C19orf67: variants seen among roughly 807,000 people sequenced by gnomAD.
C19orf67 encodes the protein UPF0575 protein C19orf67.
In C19orf67, 28 loss-of-function variants were observed where a neutral mutation model predicts 41.4. The observed-to-expected ratio is 0.68, with a 90% CI of 0.50 to 0.93. The LOEUF (loss-of-function observed/expected upper bound fraction) is 0.93, where lower values mean the gene tolerates loss of function less well. C19orf67 is among the 40% of genes least tolerant of loss of function. The pLI is 0.00. For missense variants in C19orf67, 421 were observed against 467.0 expected (o/e 0.90, Z 0.91); for synonymous variants, 242 against 203.4 (o/e 1.19, Z -1.62).
At position 14,082,462 on chromosome 19, in the gene C19orf67, C is replaced by T; in HGVS notation, c.902+7G>A. The T allele has an allele frequency of 6.5e-7, 1 of 1,532,022 alleles. No homozygotes were observed. The highest frequency in any genetic ancestry group is 8.7e-7 in the Non-Finnish European group (1 of 1,144,428). 94.9% of individuals were successfully genotyped at this position (1,532,022 alleles called of 1,614,324 possible). On this transcript the variant is annotated splice_region_variant and intron_variant, in intron 5 of 5. Transcript: ENST00000548523. ...CAGGCCCACGTTGCTATTGCCCTAG[C>T]TCCTACCATGAATAAAGGTCATCCT...
At chr19:14,082,751 G>C in intron 4 of C19orf67, 148 bp from the exon 5 acceptor site, 2 of 643,142 alleles carry the variant, frequency 3.1e-6, no homozygotes, top group Non-Finnish European at 4.9e-6. Flanking sequence ...TTTTCTCCCT[G>C]CCAGCCTACT....
In C19orf67 at chr19:14,085,680, G is replaced by A. The variant is rs1344296171; in HGVS notation, c.-53C>T. ...CTCTTTAAGCTTCCGCTGCTGCTCA[G>A]GTTGGCCGCGGGTTCGACCCCGCCC... On this transcript the variant is annotated 5_prime_UTR_variant, in exon 1 of 6. Coordinates refer to ENST00000548523, the MANE Select transcript of C19orf67 (RefSeq NM_001277378.2). 2 of 1,378,380 alleles carry A rather than the reference G, an allele frequency of 1.5e-6. No homozygotes were observed. Among genetic ancestry groups the A allele is most frequent in the African/African-American group, 2.9e-5 (2 of 69,674 alleles). 85.4% of individuals were successfully genotyped at this position (1,378,380 alleles called of 1,614,324 possible). A position where few individuals can be genotyped will look rare whatever the true frequency, so the allele number is the denominator to read the frequency against.
rs1182053221 is a variant in C19orf67, at chr19:14,085,466, G to A, written c.162C>T (p.Ala54=). ...CCCGGGCCTCAGCCAGCCGCCCCTCGGCATCTTCAGGATCCGGCTCAGATG... is the reference window on the plus strand; with the variant it reads ...CCCGGGCCTCAGCCAGCCGCCCCTCAGCATCTTCAGGATCCGGCTCAGATG... ...GNPSEPDPED[A]EGRLAEARAS... The change falls in exon 1 of 6, where the codon GCC becomes GCT. Residue 54 remains alanine, a synonymous_variant. Transcript: ENST00000548523. The A allele has an allele frequency of 1.3e-6, 2 of 1,535,328 alleles. No individual in the cohort carries two copies. Among genetic ancestry groups the A allele is most frequent in the African/African-American group, 2.7e-5 (2 of 73,042 alleles).
At position 14,082,002 on chromosome 19, in the gene C19orf67, CA is replaced by C; in HGVS notation, c.908del (p.Leu303CysfsTer13). 8.6e-7 allele frequency: 1 copy of C among 1,157,194 alleles called. No homozygotes were observed. The allele number at this position is 1,157,194 out of a possible 1,614,324, so 71.7% of individuals were successfully genotyped here. Reference sequence around the variant, plus strand: ...GGTAGTCCCCAAGCGGCTGCGGGCACAAAATCCTGGGGTGGGGGGGCCAGGG... The same window carrying C: ...GGTAGTCCCCAAGCGGCTGCGGGCACAAATCCTGGGGTGGGGGGGCCAGGG... The part of the protein sequence containing the change: ...PAEDDLYSWI[L>X]CPQPLGDYQQ... On this transcript the variant is annotated frameshift_variant, in exon 6 of 6. Transcript: ENST00000548523. LOFTEE classifies it high-confidence loss of function.
In C19orf67 at chr19:14,081,678, C is replaced by T. The variant is rs1976769120; in HGVS notation, c.*156G>A. The stretch of plus-strand genomic sequence containing the variant: ...ACTGACGTGTCCGCATTCAGGGCCC[C>T]ACGGCCAAGCCGGACTCGGTGCAGA... On this transcript the variant is annotated 3_prime_UTR_variant, in exon 6 of 6. Transcript: ENST00000548523. The T allele has an allele frequency of 1.8e-6, 1 of 552,440 alleles. No individual in the cohort carries two copies. Among genetic ancestry groups the T allele is most frequent in the Non-Finnish European group, 3.0e-6 (1 of 338,158 alleles). The allele number at this position is 552,440 out of a possible 1,614,324, so 34.2% of individuals were successfully genotyped here. A position where few individuals can be genotyped will look rare whatever the true frequency, so the allele number is the denominator to read the frequency against.
rs1006937189 is a variant in C19orf67, at chr19:14,082,118, T to G, written c.903-110A>C. ...CAGGTGAAAGAGGCTTTGTTTCAGC[T>G]GCGGGTGGGAAAAACCCCCGGGGGA... On this transcript the variant is annotated intron_variant, in intron 5 of 5. Coordinates refer to ENST00000548523, the MANE Select transcript of C19orf67 (RefSeq NM_001277378.2). The G allele has an allele frequency of 3.0e-6, 3 of 1,015,736 alleles. No homozygotes were observed. In the African/African-American group the frequency reaches 5.0e-5, roughly 17 times the overall value. 62.9% of individuals were successfully genotyped at this position (1,015,736 alleles called of 1,614,324 possible). A position where few individuals can be genotyped will look rare whatever the true frequency, so the allele number is the denominator to read the frequency against.
At position 14,085,349 on chromosome 19, in the gene C19orf67, T is replaced by C. The variant is rs1323112028; in HGVS notation, c.279A>G (p.Gln93=). 1.3e-6 allele frequency: 2 copies of C among 1,536,108 alleles called. No homozygotes were observed. Among genetic ancestry groups the C allele is most frequent in the East Asian group, 2.4e-5 (1 of 40,914 alleles). The part of the protein sequence containing the change: ...SLDTLFSPIT[Q]QLRYLLKKAD... ...CCTTCTTCAGTAGGTAGCGCAGCTGTTGGGTGATGGGGCTGAACAAAGTGT... is the reference window on the plus strand; with the variant it reads ...CCTTCTTCAGTAGGTAGCGCAGCTGCTGGGTGATGGGGCTGAACAAAGTGT... The change falls in exon 1 of 6, where the codon CAA becomes CAG. Residue 93 remains glutamine (Q), a synonymous_variant. Transcript: ENST00000548523.
rs1196999455 is a variant in C19orf67 at position 14,083,782 on chromosome 19, CT to C, written c.430del (p.Arg144GlufsTer19). The C allele has an allele frequency of 9.8e-6, 14 of 1,423,608 alleles. No individual in the cohort carries two copies. The highest frequency in any genetic ancestry group is 1.3e-5 in the Non-Finnish European group (14 of 1,090,362). 88.2% of individuals were successfully genotyped at this position (1,423,608 alleles called of 1,614,324 possible). A position where few individuals can be genotyped will look rare whatever the true frequency, so the allele number is the denominator to read the frequency against. ...GGGTCCATAGATGGGGGGTATGCTT[CT>C]CGCGGCTGCCTCCAGGTACAGGAAG... is the stretch of plus-strand genomic sequence containing the variant. The part of the protein sequence containing the change: ...PYFLYLEAAA[R>X]SIPPIYGPLQ... On this transcript the variant is annotated frameshift_variant, in exon 2 of 6. Transcript: ENST00000548523. LOFTEE classifies it high-confidence loss of function.
At chr19:14,085,098 G>A (rs1976832028) in intron 1 of C19orf67, among the ~76,000 whole-genome samples, 195 bp downstream of exon 1, 1 of 152,202 alleles carries the variant, frequency 6.6e-6, no homozygotes, top group Admixed American at 6.5e-5. Context: ...GACAGTAATA[G>A]CAGCCATCCC....
intron 1 of C19orf67, among the ~76,000 whole-genome samples, 190 bp from the exon 2 acceptor site, chr19:14,084,067 T>C (rs1462135159): frequency 1.3e-5 from 2 of 152,114 alleles, no homozygotes; most frequent in Non-Finnish European, 2.9e-5. Context: ...CTTGTTAAAG[T>C]GCTGACACCT....
chr19:14,082,329 C>A, intron 5 of C19orf67, 140 bp downstream of exon 5: 1 of 957,136 alleles, frequency 1.0e-6, no homozygotes, highest in Non-Finnish European at 1.5e-6. Context: ...CTGGGGTCTG[C>A]ATGAAGTGCT....
Position 14,085,348 on chromosome 19 carries a change from G to A in C19orf67, c.280C>T (p.Gln94Ter). 7 of 1,536,230 alleles carry A rather than the reference G, an allele frequency of 4.6e-6. No homozygotes were observed. Among genetic ancestry groups the A allele is most frequent in the Non-Finnish European group, 6.1e-6 (7 of 1,146,930 alleles). ...GCCTTCTTCAGTAGGTAGCGCAGCT[G>A]TTGGGTGATGGGGCTGAACAAAGTG... is the stretch of plus-strand genomic sequence containing the variant. ...LDTLFSPITQ[Q>*]LRYLLKKADD... is the part of the protein sequence containing the mutation. Residue 94 changes from glutamine (Q) to a stop codon, truncating the protein, a stop_gained, in exon 1 of 6, where the codon CAG becomes TAG. Coordinates refer to ENST00000548523, the MANE Select transcript of C19orf67 (RefSeq NM_001277378.2). LOFTEE classifies it high-confidence loss of function.
Position 14,081,821 on chromosome 19 carries a change from C to A in C19orf67, c.*13G>T, listed in dbSNP as rs980352512. The A allele has an allele frequency of 6.6e-7, 1 of 1,509,142 alleles. No individual in the cohort carries two copies. The highest frequency in any genetic ancestry group is 2.2e-5 in the Admixed American group (1 of 45,188). The allele number at this position is 1,509,142 out of a possible 1,614,324, so 93.5% of individuals were successfully genotyped here. On this transcript the variant is annotated 3_prime_UTR_variant, in exon 6 of 6. Coordinates refer to ENST00000548523, the MANE Select transcript of C19orf67 (RefSeq NM_001277378.2). Reference sequence around the variant, plus strand: ...GAACTGTCAAGTTCCAGCTCCTACCCTCTTCCCCAGGTTCAAGACCCCTGC... The same window carrying A: ...GAACTGTCAAGTTCCAGCTCCTACCATCTTCCCCAGGTTCAAGACCCCTGC...
chr19:14,083,026 A>G (rs1330608869), intron 4 of C19orf67, among the ~76,000 whole-genome samples: 2 of 151,910 alleles, frequency 1.3e-5, no homozygotes, highest in African/African-American at 4.8e-5. Flanking sequence ...TTTGTTGTTG[A>G]GACAGGGTCT....
In C19orf67 at chr19:14,082,016, G is replaced by A. The variant is rs1330859654; in HGVS notation, c.903-8C>T. On this transcript the variant is annotated splice_region_variant and splice_polypyrimidine_tract_variant and intron_variant, in intron 5 of 5. Coordinates refer to ENST00000548523, the MANE Select transcript of C19orf67 (RefSeq NM_001277378.2). ...GGCTGCGGGCACAAAATCCTGGGGT[G>A]GGGGGGCCAGGGATAGACAGGCCTG... 6.1e-6 allele frequency: 9 copies of A among 1,484,108 alleles called. No individual in the cohort carries two copies. The East Asian group carries it at 2.1e-4, about 34-fold the overall frequency. The allele number at this position is 1,484,108 out of a possible 1,614,324, so 91.9% of individuals were successfully genotyped here. A position where few individuals can be genotyped will look rare whatever the true frequency, so the allele number is the denominator to read the frequency against.
Position 14,085,749 on chromosome 19 carries a change from C to G in C19orf67, c.-122G>C. On this transcript the variant is annotated 5_prime_UTR_variant, in exon 1 of 6. Coordinates refer to ENST00000548523, the MANE Select transcript of C19orf67 (RefSeq NM_001277378.2). The stretch of plus-strand genomic sequence containing the variant: ...CCCTGCCTTGACCTCTCCACCGGAG[C>G]CGCGCCGCCGCGCCGGGGGCCGTTC... The G allele has an allele frequency of 1.5e-6, 1 of 676,178 alleles. No individual in the cohort carries two copies. Among genetic ancestry groups the G allele is most frequent in the Non-Finnish European group, 2.5e-6 (1 of 403,918 alleles). 41.9% of individuals were successfully genotyped at this position (676,178 alleles called of 1,614,324 possible). A position where few individuals can be genotyped will look rare whatever the true frequency, so the allele number is the denominator to read the frequency against.
In C19orf67 at chr19:14,083,298, G is replaced by C; in HGVS notation, c.706C>G (p.Arg236Gly). ...RFPRYLYKKM[R>G]WHLEATPEAP... ...TCTGGGGTGGCTTCCAGGTGCCAGC[G>C]CATCTTCTTATAGAGGTAGCGGGGG... Residue 236 changes from arginine to glycine, a missense_variant, in exon 4 of 6, where the codon CGC becomes GGC. By Grantham distance (125) the Arg-to-Gly change is moderately radical (BLOSUM62 -2). Coordinates refer to ENST00000548523, the MANE Select transcript of C19orf67 (RefSeq NM_001277378.2). The C allele has an allele frequency of 1.3e-6, 2 of 1,536,062 alleles. No homozygotes were observed. The highest frequency in any genetic ancestry group is 1.7e-6 in the Non-Finnish European group (2 of 1,146,890).
chr19:14,082,477 A>C lies in C19orf67; in HGVS notation c.894T>G (p.Leu298=). The change falls in exon 5 of 6, where the codon CTT becomes CTG. Residue 298 remains leucine (L), a synonymous_variant. Transcript: ENST00000548523. The part of the protein sequence containing the change: ...WVPLGPAEDD[L]YSWILCPQPL... ...ATTGCCCTAGCTCCTACCATGAATA[A>C]AGGTCATCCTCGGCTGGTCCTAGGG... 1 of 1,534,478 alleles carries C rather than the reference A, an allele frequency of 6.5e-7. No individual in the cohort carries two copies. The highest frequency in any genetic ancestry group is 1.2e-5 in the South Asian group (1 of 83,934).
In C19orf67 at chr19:14,083,318, C is replaced by T. The variant is rs1568518365; in HGVS notation, c.686G>A (p.Arg229His). The change falls in exon 4 of 6, where the codon CGC (arginine) becomes CAC (histidine). Residue 229 changes from arginine (R) to histidine (H), a missense_variant. This residue lies in a region of C19orf67 where 253 missense variants were observed against 307.0 expected (regional missense o/e 0.82). Transcript: ENST00000548523. ...CCAGCGCATCTTCTTATAGAGGTAG[C>T]GGGGGAAGCGGCTGGCAGTGTAGGC... ...PTAYTASRFP[R>H]YLYKKMRWHL... The T allele has an allele frequency of 7.8e-6, 12 of 1,535,956 alleles. No homozygotes were observed. The highest frequency in any genetic ancestry group is 1.4e-5 in the African/African-American group (1 of 73,108).
Sources: allele counts gnomAD v4.1 joint callset (sites outside exome capture counted in the v4.1 genomes callset), GRCh38; gene constraint gnomAD v4.1.1; regional missense constraint gnomAD v4.1.1; transcripts MANE v1.5; gene names NCBI Gene and HGNC (gene_info 2026-07-23, HGNC 2026-07-21).